The following FAM107B variants were observed in gnomAD, a reference collection of about 807,000 sequenced individuals.
FAM107B encodes the protein protein FAM107B.
Under a neutral mutation model 31.5 loss-of-function variants are expected in FAM107B, and 21 were observed. The ratio of observed to expected loss-of-function variants is 0.67; its 90% CI spans 0.47 to 0.96. The LOEUF (loss-of-function observed/expected upper bound fraction) is 0.96. Ranked by LOEUF, FAM107B falls within the 40% of genes least tolerant of loss-of-function variation. FAM107B has a pLI of 0.00. For missense variants in FAM107B, 452 were observed against 377.1 expected, an observed-to-expected ratio of 1.20 and a Z score of -1.64; for synonymous variants, 157 against 141.5, an observed-to-expected ratio of 1.11 and a Z score of -0.78.
intron 1 of FAM107B, among the ~76,000 whole-genome samples, chr10:14,766,918 G>A (rs1023530764): frequency 3.4e-5 from 5 of 148,482 alleles, no homozygotes; most frequent in Non-Finnish European, 7.5e-5. Context: ...GAACTGAAGA[G>A]GAGGGAACAC....
At chr10:14,577,427 G>A (rs758611462) in intron 2 of FAM107B, among the ~76,000 whole-genome samples, 6 of 152,126 alleles carry the variant, frequency 3.9e-5, no homozygotes, top group Non-Finnish European at 8.8e-5. Flanking sequence ...ACAGCTTCAC[G>A]TGAATCTTTA....
chr10:14,745,061 A>G (rs1832696812), intron 1 of FAM107B, among the ~76,000 whole-genome samples: 2 of 152,034 alleles, frequency 1.3e-5, no homozygotes, highest in African/African-American at 4.8e-5. Context: ...GGAATTTATC[A>G]ATTTCTTCTA....
chr10:14,751,073 G>A (rs557952288), intron 1 of FAM107B, among the ~76,000 whole-genome samples: 11 of 152,188 alleles, frequency 7.2e-5, no homozygotes, highest in Non-Finnish European at 1.3e-4. Flanking sequence ...CCCATGTGCT[G>A]TTGACATCCG....
At chr10:14,575,414 G>A (rs1851434997) in intron 2 of FAM107B, among the ~76,000 whole-genome samples, 1 of 152,118 alleles carries the variant, frequency 6.6e-6, no homozygotes, top group South Asian at 2.1e-4. Context: ...TGTTGGCCAG[G>A]CTGGTCTCGA....
At position 14,519,594 on chromosome 10, in the gene FAM107B, A is replaced by G. The variant is rs570677201; in HGVS notation, c.*1596T>C. 42 of 152,194 alleles carry G rather than the reference A, an allele frequency of 2.8e-4. No individual in the cohort carries two copies. Among genetic ancestry groups the G allele is most frequent in the Non-Finnish European group, 5.6e-4 (38 of 68,036 alleles). 9.4% of individuals were successfully genotyped at this position (152,194 alleles called of 1,614,324 possible). ...TCCATTTCAGGTATAATCAACTAAC[A>G]TGTTTCTCTAACTAGCAGTATATTA... On this transcript the variant is annotated 3_prime_UTR_variant, in exon 5 of 5. Coordinates refer to ENST00000181796, the MANE Select transcript of FAM107B (RefSeq NM_031453.4).
chr10:14,677,484 G>A (rs977185655), intron 1 of FAM107B, among the ~76,000 whole-genome samples: 1 of 152,098 alleles, frequency 6.6e-6, no homozygotes, highest in African/African-American at 2.4e-5. Flanking sequence ...AGCCGGGCGT[G>A]GTGGTGGGCG....
At chr10:14,533,612 T>C (rs1425485841) in intron 2 of FAM107B, among the ~76,000 whole-genome samples, 1 of 152,156 alleles carries the variant, frequency 6.6e-6, no homozygotes, top group African/African-American at 2.4e-5. Flanking sequence ...CGTCCCCTCA[T>C]CCTCTGTCCC....
intron 2 of FAM107B, among the ~76,000 whole-genome samples, chr10:14,580,236 T>C (rs1367012835): frequency 1.3e-5 from 2 of 151,948 alleles, no homozygotes; most frequent in Non-Finnish European, 2.9e-5. Context: ...GGTGGGTGCC[T>C]GTAGCCCCAG....
chr10:14,645,472 A>G (rs1441407167), intron 2 of FAM107B, among the ~76,000 whole-genome samples: 1 of 135,300 alleles, frequency 7.4e-6, no homozygotes, highest in African/African-American at 2.7e-5. Flanking sequence ...TGTCTGATTC[A>G]GATGGTCCTT....
At chr10:14,571,749 G>C in intron 2 of FAM107B, 1 of 982,678 alleles carries the variant, frequency 1.0e-6, no homozygotes, top group South Asian at 4.7e-5. Flanking sequence ...AAAAGTCCCA[G>C]TGTTTATTCT....
At chr10:14,698,681 C>A (rs1588713707) in intron 1 of FAM107B, among the ~76,000 whole-genome samples, 1 of 152,162 alleles carries the variant, frequency 6.6e-6, no homozygotes, top group Non-Finnish European at 1.5e-5. Flanking sequence ...TGACATTCAG[C>A]CTGGCATTCA....
intron 2 of FAM107B, among the ~76,000 whole-genome samples, chr10:14,657,733 T>G (rs1264778517): frequency 6.6e-6 from 1 of 152,228 alleles, no homozygotes; most frequent in Non-Finnish European, 1.5e-5. Context: ...TTTAAGTTCT[T>G]GGAACAGGGA....
intron 1 of FAM107B, among the ~76,000 whole-genome samples, chr10:14,763,030 AG>A (rs1331010087): frequency 6.6e-6 from 1 of 152,176 alleles, no homozygotes; most frequent in Non-Finnish European, 1.5e-5. Flanking sequence ...TGGGAGGCAG[AG>A]GGAGGTGGAT....
intron 2 of FAM107B, among the ~76,000 whole-genome samples, chr10:14,641,158 C>T (rs977343643): frequency 6.6e-6 from 1 of 152,208 alleles, no homozygotes; most frequent in African/African-American, 2.4e-5. Context: ...CAAAGCCCTA[C>T]CACCTTCTGT....
chr10:14,572,402 A>G, intron 2 of FAM107B: 2 of 985,346 alleles, frequency 2.0e-6, no homozygotes, highest in Non-Finnish European at 1.2e-6. Context: ...TCAACCTCCA[A>G]TTGGAGGAGG....
At chr10:14,612,737 CT>C (rs1852755594) in intron 2 of FAM107B, among the ~76,000 whole-genome samples, 2 of 151,910 alleles carry the variant, frequency 1.3e-5, no homozygotes, top group South Asian at 4.1e-4. Flanking sequence ...AATAACAGAC[CT>C]TTGTCCAAAA....
chr10:14,712,626 A>AAAG (rs58566279), intron 1 of FAM107B, among the ~76,000 whole-genome samples: 20 of 146,948 alleles, frequency 1.4e-4, no homozygotes, highest in African/African-American at 2.8e-4. Flanking sequence ...AACAAAAAAA[A>AAAG]AAGAAGAAGA....
chr10:14,718,924 G>A (rs1281320169), intron 1 of FAM107B, among the ~76,000 whole-genome samples: 4 of 152,094 alleles, frequency 2.6e-5, no homozygotes, highest in Non-Finnish European at 5.9e-5. Context: ...TTGAGAGGTG[G>A]GAAGAGTAAA....
intron 1 of FAM107B, among the ~76,000 whole-genome samples, chr10:14,712,516 C>G (rs924522211): frequency 1.4e-5 from 2 of 148,026 alleles, no homozygotes; most frequent in African/African-American, 5.2e-5. Flanking sequence ...ATCGTTTGAA[C>G]CCGGGAGGCA....
Sources: allele counts gnomAD v4.1 joint callset (sites outside exome capture counted in the v4.1 genomes callset), GRCh38; gene constraint gnomAD v4.1.1; transcripts MANE v1.5; gene names NCBI Gene and HGNC (gene_info 2026-07-23, HGNC 2026-07-21).